RABEP1: variants seen among roughly 807,000 people sequenced by gnomAD.
The protein encoded by RABEP1 is rab GTPase-binding effector protein 1.
Under a neutral mutation model 123.4 loss-of-function variants are expected in RABEP1, and 51 were observed. The observed-to-expected ratio is 0.41, with a 90% CI of 0.33 to 0.52. RABEP1 has a LOEUF of 0.52. RABEP1 is among the 20% of genes least tolerant of loss of function. The pLI is 0.16. For missense variants in RABEP1, 888 were observed against 996.3 expected, an observed-to-expected ratio of 0.89 and a Z score of 1.46; for synonymous variants, 347 against 355.2, an observed-to-expected ratio of 0.98 and a Z score of 0.26.
At chr17:5,288,915 G>A (rs981527385) in intron 1 of RABEP1, among the ~76,000 whole-genome samples, 1 of 150,326 alleles carries the variant, frequency 6.7e-6, no homozygotes. Context: ...CATGTTGGCC[G>A]GGCTGGTCTT....
chr17:5,380,330 T>C (rs770724476), intron 15 of RABEP1, 34 bp from the exon 16 acceptor site: 17 of 1,447,694 alleles, frequency 1.2e-5, no homozygotes, highest in South Asian at 7.5e-5. Context: ...CCAGAGGGAG[T>C]TTCTGTGAGT....
At chr17:5,343,341 C>T (rs900199130) in intron 5 of RABEP1, among the ~76,000 whole-genome samples, 16 of 152,132 alleles carry the variant, frequency 1.1e-4, no homozygotes, top group African/African-American at 3.9e-4. Flanking sequence ...ATTGCTTGAG[C>T]TTAGGAGTTC....
intron 12 of RABEP1, among the ~76,000 whole-genome samples, chr17:5,369,927 T>A (rs1380333467): frequency 3.9e-5 from 6 of 152,104 alleles, no homozygotes. Context: ...CTCGAACTCC[T>A]ACCTCAGGTG....
chr17:5,309,673 AAAAG>A (rs984379725), intron 2 of RABEP1, among the ~76,000 whole-genome samples: 12 of 152,064 alleles, frequency 7.9e-5, no homozygotes, highest in African/African-American at 2.4e-4. Context: ...AAAAAAAAGA[AAAAG>A]AAACTGTATA....
At chr17:5,375,368 T>C (rs1426527102) in intron 13 of RABEP1, among the ~76,000 whole-genome samples, 1 of 152,144 alleles carries the variant, frequency 6.6e-6, no homozygotes, top group Admixed American at 6.5e-5. Flanking sequence ...CCTTCTTTCC[T>C]TTCTGAATTG....
rs1194686802 is a variant in RABEP1 at position 5,383,312 on chromosome 17, AAAGAG to A, written c.*93_*97del. ...ATTATTATTTAACTCTTAACTGAAG[AAAGAG>A]AAGTCACAACAAAAGGAAGACTGGA... On this transcript the variant is annotated 3_prime_UTR_variant, in exon 18 of 18. Transcript: ENST00000537505. 3 of 1,050,300 alleles carry A rather than the reference AAAGAG, an allele frequency of 2.9e-6. No homozygotes were observed. The highest frequency in any genetic ancestry group is 3.2e-5 in the African/African-American group (2 of 63,074). 65.1% of individuals were successfully genotyped at this position (1,050,300 alleles called of 1,614,324 possible).
Position 5,322,114 on chromosome 17 carries a change from C to T in RABEP1, c.164-9835C>T, listed in dbSNP as rs771740063. Among the ~76,000 whole-genome samples the T allele has an allele frequency of 1.9e-4, 29 of 151,960 alleles. 1 individual carries two copies. The highest frequency in any genetic ancestry group is 3.1e-4 in the Non-Finnish European group (21 of 67,984). ...ACTTGGGAGGCTGAGGCAGGAGAAC[C>T]GCTTGAACCCAGAGGGCGGAGGTTG... On this transcript the variant is annotated intron_variant, in intron 2 of 17. Transcript: ENST00000537505.
At chr17:5,333,948 T>G (rs1243888183) in intron 3 of RABEP1, among the ~76,000 whole-genome samples, 1 of 152,216 alleles carries the variant, frequency 6.6e-6, no homozygotes, top group African/African-American at 2.4e-5. Context: ...CAATGTAGTT[T>G]TAAAATTGCG....
chr17:5,339,713 T>C (rs1907413641), intron 5 of RABEP1, among the ~76,000 whole-genome samples: 1 of 151,618 alleles, frequency 6.6e-6, no homozygotes, highest in Non-Finnish European at 1.5e-5. Flanking sequence ...GGCAGGAGAA[T>C]TGCTCAAACC....
At position 5,344,696 on chromosome 17, in the gene RABEP1, C is replaced by T. The variant is rs111905257; in HGVS notation, c.649-2094C>T. Among the ~76,000 whole-genome samples the T allele has an allele frequency of 3.8e-3, 509 of 132,516 alleles. 3 individuals are homozygous for T. Among genetic ancestry groups the T allele is most frequent in the Non-Finnish European group, 6.1e-3 (396 of 65,426 alleles). 86.9% of individuals were successfully genotyped at this position (132,516 alleles called of 152,430 possible). A position where few individuals can be genotyped will look rare whatever the true frequency, so the allele number is the denominator to read the frequency against. Reference sequence around the variant, plus strand: ...CTGAGTCAGGATAATGGCGTGAACCCGGGAGGCGGAGCTTGCAGTGTGCCG... The same window carrying T: ...CTGAGTCAGGATAATGGCGTGAACCTGGGAGGCGGAGCTTGCAGTGTGCCG... On this transcript the variant is annotated intron_variant, in intron 5 of 17. Transcript: ENST00000537505.
At position 5,285,598 on chromosome 17, in the gene RABEP1, C is replaced by G. The variant is rs999976448; in HGVS notation, c.34+3078C>G. Among the ~76,000 whole-genome samples, 3 of 152,208 alleles carry G rather than the reference C, an allele frequency of 2.0e-5. No individual in the cohort carries two copies. The South Asian group carries it at 6.2e-4, about 31-fold the overall frequency. ...TAAATGTTAGCTATCATATTATATA[C>G]TCATGGTTATATGGCCATGTAATGT... On this transcript the variant is annotated intron_variant, in intron 1 of 17. Coordinates refer to ENST00000537505, the MANE Select transcript of RABEP1 (RefSeq NM_004703.6).
chr17:5,378,330 G>A (rs1275672417), intron 15 of RABEP1, 98 bp downstream of exon 15: 1 of 1,201,902 alleles, frequency 8.3e-7, no homozygotes. Flanking sequence ...GTTAAGGCAT[G>A]GGCCCTGCCT....
rs1375494842 is a variant in RABEP1, at chr17:5,385,595, A to C, written c.*2372A>C. On this transcript the variant is annotated 3_prime_UTR_variant, in exon 18 of 18. Coordinates refer to ENST00000537505, the MANE Select transcript of RABEP1 (RefSeq NM_004703.6). ...CTTTAAGGTGCTAAACTTGCACCTC[A>C]TGTCCACTCAGTAACAAGTATTGGG... is the stretch of plus-strand genomic sequence containing the variant. 8.7e-6 allele frequency: 2 copies of C among 230,886 alleles called. No homozygotes were observed. The highest frequency in any genetic ancestry group is 1.7e-5 in the Non-Finnish European group (2 of 116,656). The allele number at this position is 230,886 out of a possible 1,614,324, so 14.3% of individuals were successfully genotyped here.
At chr17:5,290,905 T>C (rs1018301717) in intron 1 of RABEP1, among the ~76,000 whole-genome samples, 1 of 152,220 alleles carries the variant, frequency 6.6e-6, no homozygotes, top group African/African-American at 2.4e-5. Context: ...GCATTAATTA[T>C]ATTTTTTAAT....
intron 7 of RABEP1, among the ~76,000 whole-genome samples, chr17:5,353,074 C>G (rs1321158112): frequency 6.6e-6 from 1 of 152,178 alleles, no homozygotes; most frequent in African/African-American, 2.4e-5. Flanking sequence ...CTTGAACAAT[C>G]TCTGATTCCA....
At chr17:5,307,762 A>T (rs1021994210) in intron 1 of RABEP1, among the ~76,000 whole-genome samples, 1 of 152,218 alleles carries the variant, frequency 6.6e-6, no homozygotes, top group African/African-American at 2.4e-5. Flanking sequence ...TCCATAAAGT[A>T]AAAAGTCTGC....
At chr17:5,311,880 A>G (rs972914217) in intron 2 of RABEP1, among the ~76,000 whole-genome samples, 2 of 152,190 alleles carry the variant, frequency 1.3e-5, no homozygotes, top group Non-Finnish European at 2.9e-5. Flanking sequence ...TTTTTTAAAC[A>G]TATAAATGCC....
chr17:5,332,887 T>C (rs1366847085), intron 3 of RABEP1, among the ~76,000 whole-genome samples: 1 of 151,674 alleles, frequency 6.6e-6, no homozygotes, highest in African/African-American at 2.4e-5. Flanking sequence ...TGGGATTACA[T>C]GTGTGAGCCA....
intron 4 of RABEP1, 63 bp from the exon 5 acceptor site, chr17:5,337,955 GT>G: frequency 6.5e-7 from 1 of 1,527,716 alleles, no homozygotes; most frequent in Non-Finnish European, 8.8e-7. Context: ...AAATGGAAGG[GT>G]TAGAGTTTCT....
Sources: gnomAD v4.1 joint callset for allele counts (sites outside exome capture counted in the v4.1 genomes callset) on GRCh38, gnomAD v4.1.1 for gene constraint, MANE v1.5 for transcripts, NCBI Gene and HGNC (gene_info 2026-07-23, HGNC 2026-07-21) for gene names.